MAP2: variants seen among roughly 807,000 people sequenced by gnomAD.
The protein encoded by MAP2 is microtubule-associated protein 2.
A neutral mutation model predicts 137.6 loss-of-function variants in MAP2; 14 were observed. That is an observed-to-expected ratio of 0.10 (90% CI 0.07 to 0.16). MAP2 has a LOEUF of 0.16. Among genes scored for constraint, MAP2 ranks in the 10% least tolerant of loss-of-function variants. The pLI is 1.00. For missense variants in MAP2, 2,088 were observed against 2,191.5 expected, an observed-to-expected ratio of 0.95 and a Z score of 0.94; for synonymous variants, 786 against 782.3, an observed-to-expected ratio of 1.00 and a Z score of -0.08.
chr2:209,467,506 A>T (rs1217613115), intron 1 of MAP2, among the ~76,000 whole-genome samples: 1 of 152,088 alleles, frequency 6.6e-6, no homozygotes, highest in Non-Finnish European at 1.5e-5. Context: ...GCCTGGAATG[A>T]TCTCACCATT....
At chr2:209,499,550 A>AT (rs2060140351) in intron 1 of MAP2, among the ~76,000 whole-genome samples, 1 of 152,160 alleles carries the variant, frequency 6.6e-6, no homozygotes, top group South Asian at 2.1e-4. Flanking sequence ...AGTTCAATGT[A>AT]TTAGGCTGTT....
intron 12 of MAP2, among the ~76,000 whole-genome samples, chr2:209,708,549 G>A (rs73074710): frequency 8.0e-4 from 122 of 152,200 alleles, no homozygotes; most frequent in African/African-American, 2.9e-3. Context: ...CTCACATCTT[G>A]TAAATATTTA....
At chr2:209,709,136 A>C (rs1335271239) in intron 12 of MAP2, among the ~76,000 whole-genome samples, 1 of 152,168 alleles carries the variant, frequency 6.6e-6, no homozygotes, top group Non-Finnish European at 1.5e-5. Context: ...GATCCTGTAT[A>C]ATTAATGTGG....
intron 1 of MAP2, among the ~76,000 whole-genome samples, chr2:209,452,292 A>G (rs1020999630): frequency 6.6e-6 from 1 of 152,140 alleles, no homozygotes; most frequent in East Asian, 1.9e-4. Context: ...TCTAGGAGCT[A>G]TTTGGTTTCA....
At chr2:209,520,229 G>A (rs2063082512) in intron 2 of MAP2, among the ~76,000 whole-genome samples, 3 of 152,018 alleles carry the variant, frequency 2.0e-5, no homozygotes, top group Admixed American at 2.0e-4. Context: ...ATGATAAATA[G>A]ATCAGGAGAT....
chr2:209,513,134 G>A (rs1009149224), intron 2 of MAP2, among the ~76,000 whole-genome samples: 6 of 152,126 alleles, frequency 3.9e-5, no homozygotes, highest in Non-Finnish European at 8.8e-5. Context: ...GAAGTGGGGA[G>A]AGGCGGATGT....
intron 3 of MAP2, among the ~76,000 whole-genome samples, chr2:209,593,617 T>TAAAAAAA (rs2079911971): frequency 7.1e-4 from 1 of 1,412 alleles, no homozygotes; most frequent in Non-Finnish European, 5.6e-3. Flanking sequence ...ACCCTGTCTC[T>TAAAAAAA]ACAAAAAAAA....
intron 1 of MAP2, among the ~76,000 whole-genome samples, chr2:209,455,715 T>C (rs1701380500): frequency 6.6e-6 from 1 of 152,196 alleles, no homozygotes; most frequent in African/African-American, 2.4e-5. Flanking sequence ...TCTAGTAATG[T>C]TTTAAAAAGC....
chr2:209,424,858 C>A (rs1271556542), intron 1 of MAP2, among the ~76,000 whole-genome samples: 5 of 152,070 alleles, frequency 3.3e-5, no homozygotes, highest in Non-Finnish European at 2.9e-5. Flanking sequence ...GGGCGGGGCA[C>A]GAAGAAATGA....
chr2:209,546,073 G>A (rs1350646611), intron 2 of MAP2, among the ~76,000 whole-genome samples: 1 of 152,134 alleles, frequency 6.6e-6, no homozygotes, highest in Non-Finnish European at 1.5e-5. Context: ...AACCCGGGAG[G>A]CAGAGGTTGC....
At chr2:209,660,554 G>A (rs998755995) in intron 5 of MAP2, among the ~76,000 whole-genome samples, 20 of 145,372 alleles carry the variant, frequency 1.4e-4, no homozygotes, top group African/African-American at 3.3e-4. Flanking sequence ...CACCAAGCCC[G>A]GCTAATTTTT....
At chr2:209,571,695 A>G (rs1183625546) in intron 2 of MAP2, among the ~76,000 whole-genome samples, 1 of 152,060 alleles carries the variant, frequency 6.6e-6, no homozygotes, top group Non-Finnish European at 1.5e-5. Context: ...GTTTTTAAAA[A>G]GAAGTTTGGT....
At chr2:209,500,699 C>T (rs2060269247) in intron 1 of MAP2, among the ~76,000 whole-genome samples, 1 of 151,870 alleles carries the variant, frequency 6.6e-6, no homozygotes, top group South Asian at 2.1e-4. Context: ...AACATTGGAT[C>T]CCTAAAATAC....
intron 3 of MAP2, among the ~76,000 whole-genome samples, chr2:209,582,557 T>TC (rs2076675585): frequency 6.6e-6 from 1 of 151,894 alleles, no homozygotes; most frequent in African/African-American, 2.4e-5. Context: ...AGGAGGCCTT[T>TC]CCCCCCATCC....
chr2:209,707,566 G>A (rs2063838083), intron 12 of MAP2, among the ~76,000 whole-genome samples: 1 of 150,714 alleles, frequency 6.6e-6, no homozygotes, highest in African/African-American at 2.5e-5. Context: ...TCATTGAGGA[G>A]TTGACAAGAT....
chr2:209,592,567 C>T (rs1215732636), intron 3 of MAP2, among the ~76,000 whole-genome samples: 1 of 152,142 alleles, frequency 6.6e-6, no homozygotes, highest in Non-Finnish European at 1.5e-5. Flanking sequence ...ATCAGGTGTG[C>T]AGTTTTGCTC....
chr2:209,540,630 C>CAAAAAAAAAAAAAA (rs749183996), intron 2 of MAP2, among the ~76,000 whole-genome samples: 44 of 27,594 alleles, frequency 1.6e-3, no homozygotes, highest in East Asian at 4.8e-3. Context: ...GACTCCGTCT[C>CAAAAAAAAAAAAAA]AAAAAAAAAA....
chr2:209,554,043 C>G (rs2069878827), intron 2 of MAP2, among the ~76,000 whole-genome samples: 1 of 152,140 alleles, frequency 6.6e-6, no homozygotes, highest in South Asian at 2.1e-4. Flanking sequence ...GACAAGGGAT[C>G]CAATGGGTGT....
rs757553980 is a variant in MAP2 at position 209,693,170 on chromosome 2, G to A, written c.1000G>A (p.Val334Ile). ...LPLDVMKNEI[V>I]TETSPFAPAF... ...TTTAGATGTCATGAAGAATGAAATAGTTACAGAAACATCGCCCTTTGCCCC... is the reference window on the plus strand; with the variant it reads ...TTTAGATGTCATGAAGAATGAAATAATTACAGAAACATCGCCCTTTGCCCC... The change falls in exon 8 of 16, where the codon GTT (valine) becomes ATT (isoleucine). Residue 334 changes from valine (V) to isoleucine (I), a missense_variant. This residue lies in a region of MAP2 where 859 missense variants were observed against 794.5 expected (regional missense o/e 1.08). Transcript: ENST00000682079. 6 of 1,610,656 alleles carry A rather than the reference G, an allele frequency of 3.7e-6. No individual in the cohort carries two copies. Among genetic ancestry groups the A allele is most frequent in the South Asian group, 1.1e-5 (1 of 90,438 alleles).
Sources: gnomAD v4.1 joint callset for allele counts (sites outside exome capture counted in the v4.1 genomes callset) on GRCh38, gnomAD v4.1.1 for gene constraint, gnomAD v4.1.1 regional missense constraint, MANE v1.5 for transcripts, NCBI Gene and HGNC (gene_info 2026-07-23, HGNC 2026-07-21) for gene names.